Variants in CLASP2 observed in about 807,000 individuals in gnomAD.
CLASP2 encodes cytoplasmic linker associated protein 2, also known as CLIP-associating protein 2.
In CLASP2, 47 loss-of-function variants were observed where a neutral mutation model predicts 194.4. The observed-to-expected ratio is 0.24, with a 90% CI of 0.19 to 0.31. The LOEUF is 0.31. Ranked by LOEUF, CLASP2 falls within the 10% of genes least tolerant of loss-of-function variation. The pLI is 1.00. For missense variants in CLASP2, 1,445 were observed against 1,823.6 expected, an observed-to-expected ratio of 0.79 and a Z score of 3.78; for synonymous variants, 619 against 633.5, an observed-to-expected ratio of 0.98 and a Z score of 0.34.
intron 12 of CLASP2, among the ~76,000 whole-genome samples, chr3:33,615,561 TAA>T (rs59290865): frequency 1.7e-3 from 245 of 147,596 alleles, no homozygotes; most frequent in African/African-American, 5.3e-3. Context: ...AAAGCAGATT[TAA>T]AAAAAAAAAG....
intron 17 of CLASP2, among the ~76,000 whole-genome samples, chr3:33,603,384 T>C (rs530170154): frequency 6.6e-6 from 1 of 152,246 alleles, no homozygotes; most frequent in Non-Finnish European, 1.5e-5. Flanking sequence ...ATTGTGACTG[T>C]AAAATTCATA....
intron 19 of CLASP2, 173 bp downstream of exon 19, chr3:33,596,538 T>A (rs772952650): frequency 9.9e-5 from 64 of 646,368 alleles, no homozygotes; most frequent in Middle Eastern, 4.4e-4. Context: ...CCAATAGATA[T>A]CCCTAACCCC....
At chr3:33,604,984 A>G (rs1006212545) in intron 16 of CLASP2, among the ~76,000 whole-genome samples, 3 of 152,228 alleles carry the variant, frequency 2.0e-5, no homozygotes, top group African/African-American at 7.2e-5. Context: ...AGCTAACATC[A>G]CATTATTTTT....
At chr3:33,515,892 C>T (rs544282967) in intron 36 of CLASP2, 131 bp downstream of exon 36, 7 of 793,546 alleles carry the variant, frequency 8.8e-6, no homozygotes, top group South Asian at 6.7e-5. Context: ...GCTTGCATCT[C>T]GATCAGGTAT....
chr3:33,529,997 A>AT (rs2055826438), intron 34 of CLASP2, among the ~76,000 whole-genome samples: 1 of 143,360 alleles, frequency 7.0e-6, no homozygotes, highest in African/African-American at 2.9e-5. Context: ...AAAAAAAAAA[A>AT]AAAAAAAAAA....
At chr3:33,539,662 C>T (rs2058002383) in intron 32 of CLASP2, among the ~76,000 whole-genome samples, 1 of 151,976 alleles carries the variant, frequency 6.6e-6, no homozygotes, top group African/African-American at 2.4e-5. Flanking sequence ...TAAACATAGT[C>T]GTGCCTATTT....
intron 21 of CLASP2, chr3:33,588,813 T>C: frequency 1.5e-6 from 1 of 688,718 alleles, no homozygotes. Flanking sequence ...GGATGGCAGA[T>C]GGAAATAAGA....
At chr3:33,633,707 AC>A (rs1216333698) in intron 8 of CLASP2, among the ~76,000 whole-genome samples, 1 of 148,312 alleles carries the variant, frequency 6.7e-6, no homozygotes, top group Non-Finnish European at 1.5e-5. Context: ...AAACAGATGA[AC>A]TTGGGGGTGG....
intron 32 of CLASP2, among the ~76,000 whole-genome samples, chr3:33,543,049 T>G (rs1285989896): frequency 3.3e-5 from 5 of 152,224 alleles, no homozygotes; most frequent in Admixed American, 3.3e-4. Context: ...GGGAACTGAC[T>G]TGAATTATAT....
intron 24 of CLASP2, chr3:33,574,332 C>A (rs1293985942): frequency 3.5e-6 from 2 of 569,380 alleles, no homozygotes; most frequent in Non-Finnish European, 3.0e-6. Context: ...CTCTCGATAA[C>A]CATATTTACA....
At chr3:33,573,064 A>G in intron 25 of CLASP2, 46 bp downstream of exon 25, 1 of 1,600,398 alleles carries the variant, frequency 6.2e-7, no homozygotes, top group Non-Finnish European at 8.5e-7. Flanking sequence ...TAAAATCAAA[A>G]AGCGCTAACC....
intron 25 of CLASP2, among the ~76,000 whole-genome samples, chr3:33,571,756 T>C (rs1463202889): frequency 6.6e-6 from 1 of 152,102 alleles, no homozygotes; most frequent in East Asian, 1.9e-4. Context: ...TGAACAATGA[T>C]TGTGCCACTG....
At chr3:33,521,032 G>A (rs1015661622) in intron 34 of CLASP2, among the ~76,000 whole-genome samples, 2 of 152,078 alleles carry the variant, frequency 1.3e-5, no homozygotes, top group Non-Finnish European at 2.9e-5. Context: ...TAGTACAACA[G>A]TACCAGAATG....
chr3:33,528,807 GAAGA>G (rs1043360594), intron 34 of CLASP2, among the ~76,000 whole-genome samples: 8 of 151,516 alleles, frequency 5.3e-5, no homozygotes, highest in Admixed American at 6.6e-5. Flanking sequence ...AGAAAGAAAG[GAAGA>G]AAGAAAGAGA....
intron 34 of CLASP2, among the ~76,000 whole-genome samples, chr3:33,521,295 T>C (rs1037042302): frequency 2.0e-5 from 3 of 152,182 alleles, no homozygotes; most frequent in African/African-American, 4.8e-5. Context: ...AAAATATTAG[T>C]ATCTCCTGAT....
rs540617807 is a variant in CLASP2, at chr3:33,610,715, T to TA, written c.1388+1285dup. On this transcript the variant is annotated intron_variant, in intron 13 of 38. Transcript: ENST00000682230. ...CCTTTTAAATCACCCTTTAACAACGTAAAAAACCCCCTTAGCATGTGTAGG... is the reference window on the plus strand; with the variant it reads ...CCTTTTAAATCACCCTTTAACAACGTAAAAAAACCCCCTTAGCATGTGTAGG... Among the ~76,000 whole-genome samples the TA allele has an allele frequency of 3.3e-4, 50 of 152,260 alleles. No individual in the cohort carries two copies. The East Asian group carries it at 8.9e-3, about 27-fold the overall frequency.
intron 17 of CLASP2, among the ~76,000 whole-genome samples, chr3:33,603,564 T>C (rs1221738411): frequency 1.3e-5 from 2 of 152,220 alleles, no homozygotes; most frequent in African/African-American, 4.8e-5. Context: ...TGCCACTCCA[T>C]GGGAATGCAA....
intron 16 of CLASP2, among the ~76,000 whole-genome samples, chr3:33,604,950 G>A (rs545251717): frequency 1.4e-3 from 211 of 152,310 alleles, no homozygotes; most frequent in Non-Finnish European, 2.3e-3. Context: ...AAGTTGTAAG[G>A]TTGTAATGTC....
At chr3:33,569,873 A>G (rs948222252) in intron 26 of CLASP2, among the ~76,000 whole-genome samples, 1 of 152,164 alleles carries the variant, frequency 6.6e-6, no homozygotes, top group Non-Finnish European at 1.5e-5. Context: ...GTTGTAAGTA[A>G]TGAAAATACT....
Sources: gnomAD v4.1 joint callset for allele counts (sites outside exome capture counted in the v4.1 genomes callset) on GRCh38, gnomAD v4.1.1 for gene constraint, MANE v1.5 for transcripts, NCBI Gene and HGNC (gene_info 2026-07-23, HGNC 2026-07-21) for gene names.